Variants in SGCZ observed in about 807,000 individuals in gnomAD.
SGCZ encodes the protein sarcoglycan zeta.
In SGCZ, 40 loss-of-function variants were observed where a neutral mutation model predicts 41.3. The ratio of observed to expected loss-of-function variants is 0.97; its 90% confidence interval spans 0.75 to 1.26. SGCZ has a LOEUF of 1.26. Among genes scored for constraint, SGCZ ranks in the 50% most tolerant of loss-of-function variants. The probability of loss-of-function intolerance (pLI) is 0.00; values close to 1 mark genes in which losing one functional copy is unlikely to be tolerated. For missense variants in SGCZ, 552 were observed against 369.8 expected (o/e 1.49, Z -4.04); for synonymous variants, 206 against 137.5 (o/e 1.50, Z -3.49).
chr8:15,039,836 T>C (rs1342253602), intron 1 of SGCZ, among the ~76,000 whole-genome samples: 1 of 152,208 alleles, frequency 6.6e-6, no homozygotes, highest in Non-Finnish European at 1.5e-5. Context: ...CGTATGTGTA[T>C]TGCACGTTAT....
chr8:14,577,167 A>G (rs1804736464), intron 1 of SGCZ, among the ~76,000 whole-genome samples: 1 of 152,202 alleles, frequency 6.6e-6, no homozygotes, highest in South Asian at 2.1e-4. Flanking sequence ...TTAACTGGAC[A>G]AATAAGCCCA....
At chr8:14,507,182 A>G (rs573052358) in intron 2 of SGCZ, among the ~76,000 whole-genome samples, 12 of 145,170 alleles carry the variant, frequency 8.3e-5, no homozygotes, top group African/African-American at 3.2e-4. Context: ...TCCAATCTGC[A>G]AATCAAGTCA....
At chr8:14,520,009 C>G (rs1802742482) in intron 2 of SGCZ, among the ~76,000 whole-genome samples, 1 of 151,756 alleles carries the variant, frequency 6.6e-6, no homozygotes, top group Non-Finnish European at 1.5e-5. Flanking sequence ...TCTTTTAAAA[C>G]TTTTTTTTAA....
chr8:14,276,352 T>C (rs914702259), intron 3 of SGCZ, among the ~76,000 whole-genome samples: 1 of 152,128 alleles, frequency 6.6e-6, no homozygotes, highest in Non-Finnish European at 1.5e-5. Flanking sequence ...TGCATTCTCA[T>C]TGCTTAGCAT....
chr8:14,680,964 G>GAAAAAAAAAAAA (rs71209075), intron 1 of SGCZ, among the ~76,000 whole-genome samples: 1 of 117,938 alleles, frequency 8.5e-6, no homozygotes, highest in African/African-American at 3.2e-5. Flanking sequence ...AAAAGAGTGG[G>GAAAAAAAAAAAA]AAAAAAAAAA....
In SGCZ at chr8:14,804,369, C is replaced by T. The variant is rs1423820052; in HGVS notation, c.40-249443G>A. On this transcript the variant is annotated intron_variant, in intron 1 of 7. Transcript: ENST00000382080. ...GAATGTATAACTAGAATAACCAATA[C>T]AGAGAAGTGCTTAAAGGAGCTGATG... Among the ~76,000 whole-genome samples, 72 of 124,328 alleles carry T rather than the reference C, an allele frequency of 5.8e-4. 1 individual carries two copies. The highest frequency in any genetic ancestry group is 9.4e-4 in the Non-Finnish European group (55 of 58,588). The allele number at this position is 124,328 out of a possible 152,430, so 81.6% of individuals were successfully genotyped here. A position where few individuals can be genotyped will look rare whatever the true frequency, so the allele number is the denominator to read the frequency against.
At chr8:15,166,440 G>T (rs1036363175) in intron 1 of SGCZ, among the ~76,000 whole-genome samples, 6 of 151,754 alleles carry the variant, frequency 4.0e-5, no homozygotes, top group African/African-American at 1.5e-4. Flanking sequence ...AGTAGAGATG[G>T]GGTTTCACCG....
At chr8:14,587,242 A>G (rs1213530485) in intron 1 of SGCZ, among the ~76,000 whole-genome samples, 1 of 152,048 alleles carries the variant, frequency 6.6e-6, no homozygotes, top group Non-Finnish European at 1.5e-5. Flanking sequence ...CTTCTACTAT[A>G]TCTTAGTAGA....
intron 1 of SGCZ, among the ~76,000 whole-genome samples, chr8:15,115,893 A>T (rs1004263496): frequency 1.3e-5 from 2 of 152,234 alleles, no homozygotes; most frequent in African/African-American, 4.8e-5. Flanking sequence ...GAGTGCAGAA[A>T]ACAGTACCAG....
chr8:14,922,491 G>C (rs914879123), intron 1 of SGCZ, among the ~76,000 whole-genome samples: 11 of 151,934 alleles, frequency 7.2e-5, no homozygotes, highest in Non-Finnish European at 1.2e-4. Context: ...TTTCGCTCTT[G>C]TTGCCCAGGC....
At chr8:15,005,224 G>T (rs529593732) in intron 1 of SGCZ, among the ~76,000 whole-genome samples, 10 of 152,026 alleles carry the variant, frequency 6.6e-5, no homozygotes, top group Admixed American at 1.3e-4. Flanking sequence ...GTACCAAAAG[G>T]CACCATTTAG....
chr8:14,649,906 G>C (rs923815313), intron 1 of SGCZ, among the ~76,000 whole-genome samples: 1 of 152,002 alleles, frequency 6.6e-6, no homozygotes, highest in African/African-American at 2.4e-5. Context: ...TGAGAAGATT[G>C]TGAGTTCACC....
chr8:14,465,764 ACT>A (rs1801030883), intron 2 of SGCZ, among the ~76,000 whole-genome samples: 1 of 150,160 alleles, frequency 6.7e-6, no homozygotes, highest in South Asian at 2.1e-4. Flanking sequence ...AACGTAGAAA[ACT>A]CTGCTCTTTT....
At chr8:14,788,778 G>C (rs1800853083) in intron 1 of SGCZ, among the ~76,000 whole-genome samples, 1 of 152,030 alleles carries the variant, frequency 6.6e-6, no homozygotes, top group African/African-American at 2.4e-5. Flanking sequence ...CTTCCTGCCA[G>C]CCTCCCGTTA....
chr8:14,958,103 T>G (rs1202648879), intron 1 of SGCZ, among the ~76,000 whole-genome samples: 4 of 152,090 alleles, frequency 2.6e-5, no homozygotes, highest in African/African-American at 7.2e-5. Flanking sequence ...TTATAACATG[T>G]TGGGTAGAAC....
intron 1 of SGCZ, among the ~76,000 whole-genome samples, chr8:14,622,904 A>C (rs1806331408): frequency 6.6e-6 from 1 of 152,204 alleles, no homozygotes; most frequent in Non-Finnish European, 1.5e-5. Flanking sequence ...ACTGAATAAA[A>C]GCAGGTAATG....
At chr8:14,124,026 G>C (rs1802778440) in intron 5 of SGCZ, among the ~76,000 whole-genome samples, 1 of 152,090 alleles carries the variant, frequency 6.6e-6, no homozygotes. Context: ...GTCTTTAGGA[G>C]CTGGAAAAGC....
At chr8:14,975,274 C>T (rs747158915) in intron 1 of SGCZ, among the ~76,000 whole-genome samples, 4 of 152,070 alleles carry the variant, frequency 2.6e-5, no homozygotes, top group Non-Finnish European at 5.9e-5. Flanking sequence ...CCACTGCACT[C>T]CAGCCTGGGC....
chr8:14,569,937 G>T (rs1410846223), intron 1 of SGCZ, among the ~76,000 whole-genome samples: 2 of 144,354 alleles, frequency 1.4e-5, no homozygotes, highest in African/African-American at 2.7e-5. Context: ...AATCTCATGG[G>T]GCACTGGAAT....
Sources: allele counts gnomAD v4.1 joint callset (sites outside exome capture counted in the v4.1 genomes callset), GRCh38; gene constraint gnomAD v4.1.1; transcripts MANE v1.5; gene names NCBI Gene and HGNC (gene_info 2026-07-23, HGNC 2026-07-21).